Variants in CTCF observed in about 807,000 individuals in gnomAD.
CTCF encodes the protein CCCTC-binding factor, also known as transcriptional repressor CTCF.
Under a neutral mutation model 72.3 loss-of-function variants are expected in CTCF, and 7 were observed. The observed-to-expected ratio is 0.10, with a 90% CI of 0.06 to 0.18. The LOEUF (loss-of-function observed/expected upper bound fraction) is 0.18. CTCF is among the 10% of genes least tolerant of loss of function. The pLI is 1.00. For synonymous variants in CTCF, 374 were observed against 315.8 expected (o/e 1.18, Z -1.95); for missense variants, 516 against 949.1 (o/e 0.54, Z 6.00).
intron 2 of CTCF, among the ~76,000 whole-genome samples, chr16:67,579,164 A>G (rs2051545866): frequency 6.6e-6 from 1 of 151,586 alleles, no homozygotes; most frequent in Non-Finnish European, 1.5e-5. Flanking sequence ...CTGAGGCAGG[A>G]GAATCGCTTG....
Position 67,620,796 on chromosome 16 carries a change from A to G in CTCF, c.1186A>G (p.Arg396Gly), listed in dbSNP as rs2142847998. The G allele has an allele frequency of 6.3e-7, 1 of 1,597,752 alleles. No individual in the cohort carries two copies. Among genetic ancestry groups the G allele is most frequent in the Non-Finnish European group, 8.6e-7 (1 of 1,167,864 alleles). Residue 396 changes from arginine to glycine, a missense_variant, in exon 6 of 12, where the codon AGG becomes GGG. By Grantham distance (125) the Arg-to-Gly change is moderately radical (BLOSUM62 -2). This residue lies in a region of CTCF where 70 missense variants were observed against 290.1 expected (regional missense o/e 0.24). Transcript: ENST00000264010. ...CAGCAGGGACACATACAAGCTGAAA[A>G]GGCACATGAGAACCCATTCAGGTAG... ...YASRDTYKLK[R>G]HMRTHSGEKP... is the part of the protein sequence containing the mutation.
At position 67,616,892 on chromosome 16, in the gene CTCF, T is replaced by G. The variant is rs774536064; in HGVS notation, c.1086+14T>G. 1 of 1,613,688 alleles carries G rather than the reference T, an allele frequency of 6.2e-7. No individual in the cohort carries two copies. Among genetic ancestry groups the G allele is most frequent in the Non-Finnish European group, 8.5e-7 (1 of 1,179,600 alleles). ...GCCAGTGTAGAAGTGAGTGTTCAGCTTTTTGTTGGTATCTCTCTTAGGCAG... is the reference window on the plus strand; with the variant it reads ...GCCAGTGTAGAAGTGAGTGTTCAGCGTTTTGTTGGTATCTCTCTTAGGCAG... On this transcript the variant is annotated intron_variant, in intron 5 of 11. Coordinates refer to ENST00000264010, the MANE Select transcript of CTCF (RefSeq NM_006565.4).
chr16:67,586,435 G>A (rs2051669554), intron 2 of CTCF, among the ~76,000 whole-genome samples: 1 of 151,882 alleles, frequency 6.6e-6, no homozygotes, highest in Non-Finnish European at 1.5e-5. Context: ...TACTCAGGAG[G>A]CTGAGGCAGA....
chr16:67,563,070 C>A (rs1003133879), intron 1 of CTCF, among the ~76,000 whole-genome samples: 1 of 151,766 alleles, frequency 6.6e-6, no homozygotes, highest in African/African-American at 2.4e-5. Flanking sequence ...GCCGATCGCC[C>A]GGCCGCGGCC....
intron 2 of CTCF, among the ~76,000 whole-genome samples, chr16:67,579,685 G>A (rs533425303): frequency 9.2e-5 from 14 of 152,086 alleles, no homozygotes; most frequent in African/African-American, 1.9e-4. Flanking sequence ...GAGCCACCAC[G>A]CCCAGCTTGT....
In CTCF at chr16:67,621,464, T is replaced by C. The variant is rs758893136; in HGVS notation, c.1230T>C (p.Tyr410=). The C allele has an allele frequency of 6.5e-5, 104 of 1,607,426 alleles. No individual in the cohort carries two copies. Among genetic ancestry groups the C allele is most frequent in the Admixed American group, 1.7e-4 (10 of 59,944 alleles). Reference sequence around the variant, plus strand: ...AAGGGGAAAAGCCTTATGAATGTTATATTTGTCATGCTCGGTTTACCCAAA... The same window carrying C: ...AAGGGGAAAAGCCTTATGAATGTTACATTTGTCATGCTCGGTTTACCCAAA... ...THSGEKPYEC[Y]ICHARFTQSG... Residue 410 remains tyrosine, a synonymous_variant, in exon 7 of 12, where the codon TAT becomes TAC. Coordinates refer to ENST00000264010, the MANE Select transcript of CTCF (RefSeq NM_006565.4).
At chr16:67,633,831 C>T (rs1461592265) in intron 10 of CTCF, among the ~76,000 whole-genome samples, 3 of 152,040 alleles carry the variant, frequency 2.0e-5, no homozygotes, top group Admixed American at 1.3e-4. Flanking sequence ...CTCACTCACT[C>T]TTACCCTTCC....
chr16:67,597,029 T>G (rs1435474493), intron 2 of CTCF, among the ~76,000 whole-genome samples: 2 of 152,082 alleles, frequency 1.3e-5, no homozygotes, highest in Non-Finnish European at 2.9e-5. Context: ...TTGTGTGTGT[T>G]TTTGTTTGTT....
chr16:67,569,375 G>C (rs1222332267), intron 1 of CTCF, among the ~76,000 whole-genome samples: 1 of 149,866 alleles, frequency 6.7e-6, no homozygotes, highest in African/African-American at 2.5e-5. Context: ...TAGTAGAGAC[G>C]GGGTTTCACT....
intron 2 of CTCF, among the ~76,000 whole-genome samples, chr16:67,608,677 CATG>C (rs1418810290): frequency 6.6e-6 from 1 of 151,668 alleles, no homozygotes; most frequent in Non-Finnish European, 1.5e-5. Flanking sequence ...GGATGGATCT[CATG>C]ATAAATATTA....
intron 2 of CTCF, among the ~76,000 whole-genome samples, chr16:67,585,908 A>G (rs2051663072): frequency 6.6e-6 from 1 of 152,106 alleles, no homozygotes; most frequent in Non-Finnish European, 1.5e-5. Context: ...TCAACAAAGT[A>G]TTTGCTTCTT....
At chr16:67,586,897 A>AATCCTCCCGCC (rs758164794) in intron 2 of CTCF, among the ~76,000 whole-genome samples, 7 of 151,808 alleles carry the variant, frequency 4.6e-5, no homozygotes, top group Non-Finnish European at 8.8e-5. Flanking sequence ...GGGCGCCTGC[A>AATCCTCCCGCC]ATCCTCCCGC....
chr16:67,572,955 C>CG (rs1481274562), intron 2 of CTCF, among the ~76,000 whole-genome samples: 1 of 134,526 alleles, frequency 7.4e-6, no homozygotes, highest in Non-Finnish European at 1.6e-5. Flanking sequence ...CCGCCCCCCC[C>CG]CCCAAAACAA....
At chr16:67,563,981 G>C (rs544615992) in intron 1 of CTCF, 1 of 152,326 alleles carries the variant, frequency 6.6e-6, no homozygotes, top group South Asian at 2.1e-4. Context: ...ACTTGCTGCA[G>C]ATGGTTTATA....
At chr16:67,593,942 T>A (rs573930175) in intron 2 of CTCF, among the ~76,000 whole-genome samples, 2 of 152,206 alleles carry the variant, frequency 1.3e-5, no homozygotes, top group Non-Finnish European at 2.9e-5. Flanking sequence ...TGTTTTCCTT[T>A]GGAAATTGTC....
intron 9 of CTCF, 118 bp from the exon 10 acceptor site, chr16:67,629,280 C>T: frequency 1.1e-6 from 1 of 920,204 alleles, no homozygotes; most frequent in Non-Finnish European, 1.6e-6. Context: ...GTGTTCAGGA[C>T]ACACTTAGCA....
intron 2 of CTCF, among the ~76,000 whole-genome samples, chr16:67,595,163 G>T (rs2051794931): frequency 6.6e-6 from 1 of 152,146 alleles, no homozygotes; most frequent in South Asian, 2.1e-4. Context: ...CAATATTCTG[G>T]ATAGAACAAG....
intron 2 of CTCF, among the ~76,000 whole-genome samples, chr16:67,591,077 G>T (rs999247622): frequency 2.6e-5 from 4 of 151,776 alleles, no homozygotes; most frequent in Non-Finnish European, 5.9e-5. Flanking sequence ...CAGATCACTT[G>T]AGGTCAGGAG....
In CTCF at chr16:67,610,973, G is replaced by A; in HGVS notation, c.141G>A (p.Gly47=). ...ACHLPQNQTD[G]GEVVQDVNSS... ...ACTTACCCCAGAACCAGACGGATGG[G>A]GGTGAGGTGGTCCAGGATGTCAACA... The change falls in exon 3 of 12, where the codon GGG becomes GGA. Residue 47 remains glycine, a synonymous_variant. Coordinates refer to ENST00000264010, the MANE Select transcript of CTCF (RefSeq NM_006565.4). 6.2e-7 allele frequency: 1 copy of A among 1,600,178 alleles called. No individual in the cohort carries two copies. Among genetic ancestry groups the A allele is most frequent in the South Asian group, 1.1e-5 (1 of 90,680 alleles).
Sources: allele counts gnomAD v4.1 joint callset (sites outside exome capture counted in the v4.1 genomes callset), GRCh38; gene constraint gnomAD v4.1.1; regional missense constraint gnomAD v4.1.1; transcripts MANE v1.5; gene names NCBI Gene and HGNC (gene_info 2026-07-23, HGNC 2026-07-21).